The following PANK2 variants were observed in gnomAD, a reference collection of about 807,000 sequenced individuals.
PANK2 encodes pantothenate kinase 2.
Under a neutral mutation model 43.1 loss-of-function variants are expected in PANK2, and 36 were observed. That is an observed-to-expected ratio of 0.84 (90% CI 0.64 to 1.10). The LOEUF is 1.10. Ranked by LOEUF, PANK2 falls within the 50% of genes least tolerant of loss-of-function variation. The pLI, the probability that PANK2 is intolerant of heterozygous loss-of-function variation, is 0.00. For synonymous variants in PANK2, 281 were observed against 238.2 expected (o/e 1.18, Z -1.66); for missense variants, 576 against 593.3 (o/e 0.97, Z 0.30).
intron 1 of PANK2, among the ~76,000 whole-genome samples, chr20:3,900,379 G>C (rs1284244535): frequency 4.0e-5 from 6 of 151,824 alleles, no homozygotes; most frequent in African/African-American, 1.5e-4. Context: ...CACTGGTCTT[G>C]AAACAAGGTA....
At chr20:3,921,959 G>A (rs2146901560) in intron 6 of PANK2, 1 of 152,264 alleles carries the variant, frequency 6.6e-6, no homozygotes, top group East Asian at 1.9e-4. Flanking sequence ...TGATCCACCT[G>A]CCTTGGCCTC....
intron 1 of PANK2, chr20:3,901,591 C>T (rs1261900257): frequency 3.1e-6 from 3 of 981,856 alleles, no homozygotes; most frequent in Admixed American, 6.2e-5. Flanking sequence ...CTTCTCTTCC[C>T]TCTTCAACTT....
intron 6 of PANK2, among the ~76,000 whole-genome samples, chr20:3,919,720 A>G (rs1394040469): frequency 6.6e-6 from 1 of 152,010 alleles, no homozygotes; most frequent in Admixed American, 6.6e-5. Flanking sequence ...GTTGTGGGGC[A>G]GTTGAACTAT....
chr20:3,892,662 C>G (rs971544275), intron 1 of PANK2, among the ~76,000 whole-genome samples: 1 of 118,618 alleles, frequency 8.4e-6, no homozygotes, highest in Admixed American at 1.1e-4. Context: ...GGCGACAGAG[C>G]GACTCTGTCT....
intron 4 of PANK2, among the ~76,000 whole-genome samples, chr20:3,915,303 C>A (rs1034190213): frequency 4.0e-5 from 6 of 149,354 alleles, no homozygotes; most frequent in African/African-American, 5.0e-5. Flanking sequence ...GTATTTTTTT[C>A]TTTTTTTCTT....
At chr20:3,896,906 G>C (rs960049098) in intron 1 of PANK2, among the ~76,000 whole-genome samples, 1 of 152,140 alleles carries the variant, frequency 6.6e-6, no homozygotes, top group African/African-American at 2.4e-5. Flanking sequence ...ACCAAAGAGG[G>C]GTCATGCAAA....
At chr20:3,906,245 G>GA (rs2146854946) in intron 1 of PANK2, among the ~76,000 whole-genome samples, 1 of 152,120 alleles carries the variant, frequency 6.6e-6, no homozygotes, top group African/African-American at 2.4e-5. Flanking sequence ...GCAACATGGG[G>GA]AAACCCTGTT....
intron 5 of PANK2, among the ~76,000 whole-genome samples, chr20:3,918,177 T>C (rs1319088738): frequency 6.6e-6 from 1 of 152,118 alleles, no homozygotes; most frequent in Non-Finnish European, 1.5e-5. Context: ...GGTGAATGAG[T>C]GGATTAATTT....
intron 1 of PANK2, among the ~76,000 whole-genome samples, chr20:3,897,001 C>G (rs2090220005): frequency 6.6e-6 from 1 of 152,166 alleles, no homozygotes. Flanking sequence ...GAGGAGCAGT[C>G]TTGAGGGACT....
At position 3,889,408 on chromosome 20, in the gene PANK2, A is replaced by C. The variant is rs1292966015; in HGVS notation, c.-23A>C. 1 of 1,572,184 alleles carries C rather than the reference A, an allele frequency of 6.4e-7. No homozygotes were observed. The highest frequency in any genetic ancestry group is 8.6e-7 in the Non-Finnish European group (1 of 1,162,008). On this transcript the variant is annotated 5_prime_UTR_variant, in exon 1 of 7. Transcript: ENST00000610179. ...CTCTGCTCTGGCTGGACTGCCGCGG[A>C]GGAGGCGAGAAGGAATCCGACGCTG...
chr20:3,908,224 T>G lies in PANK2; in HGVS notation c.597T>G (p.Thr199=), dbSNP rs1489148006. 6.2e-7 allele frequency: 1 copy of G among 1,613,130 alleles called. No homozygotes were observed. The highest frequency in any genetic ancestry group is 8.5e-7 in the Non-Finnish European group (1 of 1,180,022). Reference sequence around the variant, plus strand: ...ATAAAAACTTCTCGAGTCTCCACACTGTCTTTTGTGCCACTGGAGGTGGAG... The same window carrying G: ...ATAAAAACTTCTCGAGTCTCCACACGGTCTTTTGTGCCACTGGAGGTGGAG... Residue 199 remains threonine (T), a synonymous_variant, in exon 2 of 7, where the codon ACT becomes ACG. Transcript: ENST00000610179.
At chr20:3,892,442 CTT>C (rs2090138040) in intron 1 of PANK2, among the ~76,000 whole-genome samples, 1 of 148,090 alleles carries the variant, frequency 6.8e-6, no homozygotes, top group South Asian at 2.1e-4. Context: ...AAGACTAAAT[CTT>C]TTTTATTTAT....
chr20:3,905,927 G>A (rs543166349), intron 1 of PANK2, among the ~76,000 whole-genome samples: 2 of 151,384 alleles, frequency 1.3e-5, no homozygotes, highest in East Asian at 3.9e-4. Flanking sequence ...TGTTGGCCAG[G>A]CTGGTCTTGA....
chr20:3,889,171 AC>A, upstream of PANK2: 1 of 1,605,644 alleles, frequency 6.2e-7, no homozygotes. Flanking sequence ...TCTGGGCTAC[AC>A]CGCCTTCTCT....
At position 3,926,963 on chromosome 20, in the gene PANK2, C is replaced by CAAA. The variant is rs2090730254; in HGVS notation, c.*3669_*3670insAAA. 7.8e-6 allele frequency: 1 copy of CAAA among 127,460 alleles called. No individual in the cohort carries two copies. Among genetic ancestry groups the CAAA allele is most frequent in the Non-Finnish European group, 1.7e-5 (1 of 58,232 alleles). 7.9% of individuals were successfully genotyped at this position (127,460 alleles called of 1,614,324 possible). On this transcript the variant is annotated 3_prime_UTR_variant, in exon 7 of 7. Transcript: ENST00000610179. ...CTCAAAAAAAAAAAAAAAAAAAAAT[C>CAAA]CGCTATTTCAGGTCACCCTGGTGCT... is the stretch of plus-strand genomic sequence containing the variant.
chr20:3,904,070 A>G (rs999807119), intron 1 of PANK2, among the ~76,000 whole-genome samples: 4 of 151,906 alleles, frequency 2.6e-5, no homozygotes, highest in Non-Finnish European at 4.4e-5. Context: ...TGCTGGGATT[A>G]CATTCTTGAG....
upstream of PANK2, chr20:3,889,116 C>T: frequency 1.9e-6 from 3 of 1,548,946 alleles, no homozygotes; most frequent in Non-Finnish European, 1.7e-6. Flanking sequence ...GAGGCTCGGG[C>T]CCTTCCACCC....
Position 3,910,669 on chromosome 20 carries a change from A to G in PANK2, c.744A>G (p.Ser248=). 1 of 1,614,220 alleles carries G rather than the reference A, an allele frequency of 6.2e-7. No individual in the cohort carries two copies. The highest frequency in any genetic ancestry group is 8.5e-7 in the Non-Finnish European group (1 of 1,180,032). ...ACTCAGTCGGATTCAATGGACGGTC[A>G]CAGTGCTATTACTTTGAAAACCCTG... The change falls in exon 3 of 7, where the codon TCA becomes TCG. Residue 248 remains serine, a synonymous_variant. Transcript: ENST00000610179.
intron 1 of PANK2, among the ~76,000 whole-genome samples, chr20:3,893,108 C>T (rs947449924): frequency 1.3e-5 from 2 of 152,168 alleles, no homozygotes; most frequent in African/African-American, 4.8e-5. Context: ...GGTTAAGTCT[C>T]ATAGCTATCC....
Sources: gnomAD v4.1 joint callset for allele counts (sites outside exome capture counted in the v4.1 genomes callset) on GRCh38, gnomAD v4.1.1 for gene constraint, MANE v1.5 for transcripts, NCBI Gene and HGNC (gene_info 2026-07-23, HGNC 2026-07-21) for gene names.